PEX14: variants seen among roughly 807,000 people sequenced by gnomAD.
PEX14 encodes peroxisomal biogenesis factor 14.
Under a neutral mutation model 49.5 loss-of-function variants are expected in PEX14, and 15 were observed. The observed-to-expected ratio is 0.30, with a 90% CI of 0.20 to 0.47. PEX14 has a LOEUF of 0.47. Ranked by LOEUF, PEX14 falls within the 20% of genes least tolerant of loss-of-function variation. The pLI is 1.00. For missense variants in PEX14, 398 were observed against 494.8 expected, an observed-to-expected ratio of 0.80 and a Z score of 1.86; for synonymous variants, 210 against 212.7, an observed-to-expected ratio of 0.99 and a Z score of 0.11.
At position 10,610,398 on chromosome 1, in the gene PEX14, CAT is replaced by C. The variant is rs1553119498; in HGVS notation, c.299-7924_299-7923del. On this transcript the variant is annotated intron_variant, in intron 4 of 8. Transcript: ENST00000356607. The stretch of plus-strand genomic sequence containing the variant: ...ACACACACACACACACACACACACA[CAT>C]ATATATATACACAGAGAGAGAGAGA... Among the ~76,000 whole-genome samples, 4 of 140,702 alleles carry C rather than the reference CAT, an allele frequency of 2.8e-5. No homozygotes were observed. The East Asian group carries it at 6.1e-4, about 21-fold the overall frequency. The allele number at this position is 140,702 out of a possible 152,430, so 92.3% of individuals were successfully genotyped here.
intron 3 of PEX14, among the ~76,000 whole-genome samples, chr1:10,572,982 G>A (rs1226944638): frequency 6.6e-6 from 1 of 152,166 alleles, no homozygotes; most frequent in Non-Finnish European, 1.5e-5. Context: ...AAGCTATACA[G>A]CATGTTACTG....
intron 2 of PEX14, among the ~76,000 whole-genome samples, chr1:10,511,606 A>G (rs1641885122): frequency 6.6e-6 from 1 of 152,150 alleles, no homozygotes; most frequent in African/African-American, 2.4e-5. Flanking sequence ...TGGACTCCTG[A>G]CTTCTGTGGA....
In PEX14 at chr1:10,593,103, C is replaced by T. The variant is rs187654840; in HGVS notation, c.170-6135C>T. Reference sequence around the variant, plus strand: ...TTACTCAGTGATTTACACTGGGAGACGTGGCTGGGTGATGTCCAGTGTCCT... The same window carrying T: ...TTACTCAGTGATTTACACTGGGAGATGTGGCTGGGTGATGTCCAGTGTCCT... On this transcript the variant is annotated intron_variant, in intron 3 of 8. Coordinates refer to ENST00000356607, the MANE Select transcript of PEX14 (RefSeq NM_004565.3). Among the ~76,000 whole-genome samples, 17 of 152,260 alleles carry T rather than the reference C, an allele frequency of 1.1e-4. No individual in the cohort carries two copies. In the East Asian group the frequency reaches 1.3e-3, roughly 12 times the overall value.
chr1:10,544,589 CAT>C (rs774421128), intron 3 of PEX14, among the ~76,000 whole-genome samples: 5 of 152,050 alleles, frequency 3.3e-5, no homozygotes, highest in African/African-American at 4.8e-5. Context: ...AAAGTTATGA[CAT>C]ATGTATAATT....
chr1:10,520,305 T>C (rs1329029628), intron 2 of PEX14, among the ~76,000 whole-genome samples: 1 of 151,992 alleles, frequency 6.6e-6, no homozygotes, highest in East Asian at 1.9e-4. Flanking sequence ...ACCACAGGCA[T>C]ATGCCAACAT....
Position 10,597,973 on chromosome 1 carries a change from T to G in PEX14, c.170-1265T>G, listed in dbSNP as rs963159974. Among the ~76,000 whole-genome samples, 14 of 152,224 alleles carry G rather than the reference T, an allele frequency of 9.2e-5. No homozygotes were observed. The highest frequency in any genetic ancestry group is 2.4e-5 in the African/African-American group (1 of 41,454). ...TTAATGTGCACCATCTATTAGCCCC[T>G]AGGCATGGAGTATGAGGCACCATCC... is the stretch of plus-strand genomic sequence containing the variant. On this transcript the variant is annotated intron_variant, in intron 3 of 8. Coordinates refer to ENST00000356607, the MANE Select transcript of PEX14 (RefSeq NM_004565.3). The surrounding 1 kb of genome is among the most constrained non-coding windows in gnomAD (Gnocchi z 5.7).
chr1:10,535,272 C>T (rs1240455952), intron 2 of PEX14, among the ~76,000 whole-genome samples: 2 of 152,248 alleles, frequency 1.3e-5, no homozygotes, highest in African/African-American at 4.8e-5. Context: ...ACACACACTT[C>T]GCGTGTGCTG....
chr1:10,525,852 T>C (rs1223109045), intron 2 of PEX14, among the ~76,000 whole-genome samples: 2 of 151,856 alleles, frequency 1.3e-5, no homozygotes, highest in Non-Finnish European at 2.9e-5. Flanking sequence ...TCTCGAACTC[T>C]TGACCTTGTG....
At position 10,492,747 on chromosome 1, in the gene PEX14, T is replaced by C. The variant is rs966005938; in HGVS notation, c.37-2527T>C. On this transcript the variant is annotated intron_variant, in intron 1 of 8. Transcript: ENST00000356607. Reference sequence around the variant, plus strand: ...CATTCATTCATTCAGCAAATTTCTATTGAAGGCCTCCTCTGTGCCTGGCAC... The same window carrying C: ...CATTCATTCATTCAGCAAATTTCTACTGAAGGCCTCCTCTGTGCCTGGCAC... Among the ~76,000 whole-genome samples the C allele has an allele frequency of 7.9e-5, 12 of 152,220 alleles. No homozygotes were observed. In the East Asian group the frequency reaches 1.2e-3, roughly 15 times the overall value.
At chr1:10,534,839 C>T (rs1266623915) in intron 2 of PEX14, among the ~76,000 whole-genome samples, 1 of 152,120 alleles carries the variant, frequency 6.6e-6, no homozygotes, top group Non-Finnish European at 1.5e-5. Flanking sequence ...GGAGGGGTTG[C>T]AGGGAAAATG....
rs918901232 is a variant in PEX14, at chr1:10,618,334, C to A, written c.301C>A (p.Pro101Thr). 6.2e-7 allele frequency: 1 copy of A among 1,613,688 alleles called. No homozygotes were observed. The highest frequency in any genetic ancestry group is 1.1e-5 in the South Asian group (1 of 91,076). ...CCTCCTCCTCTTCCCGCCTGTAGGTCCCGCAGGCTCCCGATGGCGAGATTA... is the reference window on the plus strand; with the variant it reads ...CCTCCTCCTCTTCCCGCCTGTAGGTACCGCAGGCTCCCGATGGCGAGATTA... ...PPHLISQPYS[P>T]AGSRWRDYGA... Residue 101 changes from proline to threonine, a missense_variant and splice_region_variant, in exon 5 of 9, where the codon CCC becomes ACC. By Grantham distance (38) the Pro-to-Thr change is conservative. Coordinates refer to ENST00000356607, the MANE Select transcript of PEX14 (RefSeq NM_004565.3).
intron 3 of PEX14, among the ~76,000 whole-genome samples, chr1:10,554,012 G>A (rs1369020359): frequency 3.9e-5 from 6 of 151,938 alleles, no homozygotes; most frequent in South Asian, 2.1e-4. Context: ...AATGTGGGCC[G>A]GGCGCGGTGG....
At position 10,571,595 on chromosome 1, in the gene PEX14, G is replaced by T. The variant is rs188865619; in HGVS notation, c.170-27643G>T. On this transcript the variant is annotated intron_variant, in intron 3 of 8. Transcript: ENST00000356607. Reference sequence around the variant, plus strand: ...AGGCCGAGGCGGGCGGATCACTTGAGCTTAGGAGTTCGAGACCAGCCTGGG... The same window carrying T: ...AGGCCGAGGCGGGCGGATCACTTGATCTTAGGAGTTCGAGACCAGCCTGGG... 1.0e-3 allele frequency among the ~76,000 whole-genome samples: 158 copies of T among 152,244 alleles called. 4 individuals are homozygous for T. In the East Asian group the frequency reaches 0.022, roughly 22 times the overall value.
chr1:10,480,462 C>T (rs1048866078), intron 1 of PEX14, among the ~76,000 whole-genome samples: 2 of 143,646 alleles, frequency 1.4e-5, no homozygotes, highest in Admixed American at 7.5e-5. Context: ...GGCACAATCT[C>T]GGCTCACTGC....
At chr1:10,583,027 A>G (rs956578728) in intron 3 of PEX14, among the ~76,000 whole-genome samples, 1 of 151,890 alleles carries the variant, frequency 6.6e-6, no homozygotes, top group African/African-American at 2.4e-5. Context: ...ATGAGCCACC[A>G]TACCTGGCCT....
chr1:10,523,719 TTGTG>T (rs1399242298), intron 2 of PEX14, among the ~76,000 whole-genome samples: 9 of 151,924 alleles, frequency 5.9e-5, no homozygotes, highest in Non-Finnish European at 1.0e-4. Context: ...AGGCTTCTGT[TTGTG>T]GCAGCGTTTG....
Position 10,613,986 on chromosome 1 carries a change from C to T in PEX14, c.299-4346C>T, listed in dbSNP as rs1261755568. Among the ~76,000 whole-genome samples, 1 of 152,266 alleles carries T rather than the reference C, an allele frequency of 6.6e-6. No homozygotes were observed. The highest frequency in any genetic ancestry group is 2.4e-5 in the African/African-American group (1 of 41,474). On this transcript the variant is annotated intron_variant, in intron 4 of 8. Coordinates refer to ENST00000356607, the MANE Select transcript of PEX14 (RefSeq NM_004565.3). The surrounding 1 kb of genome is among the most constrained non-coding windows in gnomAD (Gnocchi z 5.0). ...TTATACCTCCGGACATTCAGGGAGC[C>T]TGGTGGCGGGGAGGTGTGTTCCCAG...
intron 3 of PEX14, among the ~76,000 whole-genome samples, chr1:10,546,601 T>C (rs1284236456): frequency 8.2e-6 from 1 of 122,048 alleles, no homozygotes; most frequent in Non-Finnish European, 1.6e-5. Context: ...GTGCGGTGGC[T>C]CACGCCTATA....
At chr1:10,601,262 C>CAAA (rs58910333) in intron 4 of PEX14, among the ~76,000 whole-genome samples, 2,795 of 56,938 alleles carry the variant, frequency 0.049, 275 homozygotes, top group African/African-American at 0.14. Context: ...GACTCTGTCT[C>CAAA]AAAAAAAAAA....
Sources: gnomAD v4.1 joint callset for allele counts (sites outside exome capture counted in the v4.1 genomes callset) on GRCh38, gnomAD v4.1.1 for gene constraint, Gnocchi (gnomAD v3.1) non-coding constraint, MANE v1.5 for transcripts, NCBI Gene and HGNC (gene_info 2026-07-23, HGNC 2026-07-21) for gene names.